The following SLC39A11 variants were observed in gnomAD, a reference collection of about 807,000 sequenced individuals.
SLC39A11 encodes the protein solute carrier family 39 member 11.
SLC39A11 carries 33 observed loss-of-function variants against 36.1 expected under a neutral mutation model. That is an observed-to-expected ratio of 0.91 (90% confidence interval 0.69 to 1.22). The LOEUF (loss-of-function observed/expected upper bound fraction) is 1.22, where lower values mean the gene tolerates loss of function less well. Ranked by LOEUF, SLC39A11 falls within the 50% of genes most tolerant of loss-of-function variation. SLC39A11 has a pLI of 0.00. For synonymous variants in SLC39A11, 166 were observed against 170.3 expected, an observed-to-expected ratio of 0.97 and a Z score of 0.20; for missense variants, 432 against 430.3, an observed-to-expected ratio of 1.00 and a Z score of -0.03.
At chr17:73,023,406 T>C (rs1362503898) in intron 4 of SLC39A11, among the ~76,000 whole-genome samples, 1 of 152,150 alleles carries the variant, frequency 6.6e-6, no homozygotes. Context: ...CCCAACACTG[T>C]GGGATTCCAA....
intron 6 of SLC39A11, among the ~76,000 whole-genome samples, chr17:72,778,339 A>G (rs1291927419): frequency 1.3e-5 from 2 of 152,170 alleles, no homozygotes; most frequent in African/African-American, 2.4e-5. Flanking sequence ...CAGCCCCTGG[A>G]CCACACTGCC....
chr17:72,674,983 C>CATAT (rs1567932718), intron 7 of SLC39A11, among the ~76,000 whole-genome samples: 794 of 74,916 alleles, frequency 0.011, 12 homozygotes, highest in African/African-American at 0.031. Context: ...AGTGTGTGTG[C>CATAT]GTATGTGTGT....
chr17:72,850,900 A>G (rs2079278756), intron 5 of SLC39A11, among the ~76,000 whole-genome samples: 1 of 152,154 alleles, frequency 6.6e-6, no homozygotes, highest in South Asian at 2.1e-4. Flanking sequence ...ATTTATGGGA[A>G]CCAATTCAGA....
intron 7 of SLC39A11, among the ~76,000 whole-genome samples, chr17:72,717,201 A>G (rs1300795813): frequency 2.7e-5 from 4 of 150,650 alleles, no homozygotes; most frequent in Admixed American, 6.6e-5. Flanking sequence ...TAAAAAGAGG[A>G]AAAAAAAGTG....
intron 6 of SLC39A11, among the ~76,000 whole-genome samples, chr17:72,759,129 T>TAATAATAAA (rs201794070): frequency 6.6e-6 from 1 of 150,790 alleles, no homozygotes; most frequent in African/African-American, 2.4e-5. Flanking sequence ...ATAATAATAA[T>TAATAATAAA]AAATAATCTT....
intron 4 of SLC39A11, among the ~76,000 whole-genome samples, chr17:72,993,525 GGGTATA>G (rs2089313627): frequency 6.6e-6 from 1 of 152,164 alleles, no homozygotes. Flanking sequence ...TTTTTGCAAA[GGGTATA>G]TGGTAGATTA....
rs1351236287 is a variant in SLC39A11, at chr17:72,648,842, T to C, written c.890A>G (p.Tyr297Cys). 3 of 1,614,144 alleles carry C rather than the reference T, an allele frequency of 1.9e-6. No individual in the cohort carries two copies. The Admixed American group carries it at 5.0e-5, about 27-fold the overall frequency. ...ALAFAAGAMV[Y>C]VVMDDIIPEA... ...GGGGATGATGTCGTCCATGACCACG[T>C]AGACCATGGCACCGGCAGCAAAGGC... Residue 297 changes from tyrosine to cysteine, a missense_variant, in exon 9 of 10, where the codon TAC becomes TGC. Tyr to Cys is a radical substitution (Grantham distance 194). Transcript: ENST00000255559.
intron 7 of SLC39A11, among the ~76,000 whole-genome samples, chr17:72,711,033 C>G (rs942146336): frequency 6.6e-6 from 1 of 152,212 alleles, no homozygotes; most frequent in Admixed American, 6.5e-5. Context: ...AATTGCACAA[C>G]CTTCATACAG....
intron 4 of SLC39A11, among the ~76,000 whole-genome samples, chr17:72,977,531 G>A (rs1206264772): frequency 6.6e-6 from 1 of 152,142 alleles, no homozygotes; most frequent in Non-Finnish European, 1.5e-5. Flanking sequence ...AACCTGTCTT[G>A]GATATCAGAG....
In SLC39A11 at chr17:72,650,120, C is replaced by T. The variant is rs148697359; in HGVS notation, c.672-852G>A. On this transcript the variant is annotated intron_variant, in intron 7 of 9. Coordinates refer to ENST00000255559, the MANE Select transcript of SLC39A11 (RefSeq NM_139177.4). ...GCAGCTGCAGACGCTGATGGTGCCA[C>T]AGATCTGGCTCTGGGCTCAGCTTCT... Among the ~76,000 whole-genome samples, 7 of 152,344 alleles carry T rather than the reference C, an allele frequency of 4.6e-5. No individual in the cohort carries two copies. In the East Asian group the frequency reaches 1.2e-3, roughly 25 times the overall value.
chr17:72,888,819 T>C (rs938772674), intron 5 of SLC39A11, among the ~76,000 whole-genome samples: 4 of 152,146 alleles, frequency 2.6e-5, no homozygotes, highest in Non-Finnish European at 2.9e-5. Context: ...AGAGGATTGC[T>C]TAAGCCCATG....
chr17:72,915,252 C>A (rs2083266517), intron 5 of SLC39A11, among the ~76,000 whole-genome samples: 1 of 152,152 alleles, frequency 6.6e-6, no homozygotes, highest in Non-Finnish European at 1.5e-5. Context: ...AATGCTCACA[C>A]CGGGACACTA....
Position 72,888,705 on chromosome 17 carries a change from C to T in SLC39A11, c.431-38901G>A, listed in dbSNP as rs1347894285. On this transcript the variant is annotated intron_variant, in intron 5 of 9. Coordinates refer to ENST00000255559, the MANE Select transcript of SLC39A11 (RefSeq NM_139177.4). ...TCACTTGAGGCCAGGAGTTCAAGATCAGCCTGGGCAACATAGCAAGACTCC... is the reference window on the plus strand; with the variant it reads ...TCACTTGAGGCCAGGAGTTCAAGATTAGCCTGGGCAACATAGCAAGACTCC... 3.9e-5 allele frequency among the ~76,000 whole-genome samples: 6 copies of T among 152,094 alleles called. No individual in the cohort carries two copies. The East Asian group carries it at 1.2e-3, about 29-fold the overall frequency.
At chr17:72,665,061 CTTCT>C (rs1189632874) in intron 7 of SLC39A11, among the ~76,000 whole-genome samples, 2 of 152,204 alleles carry the variant, frequency 1.3e-5, no homozygotes, top group African/African-American at 4.8e-5. Context: ...AGGCTTGTAG[CTTCT>C]TTCTCTCTTC....
chr17:72,783,914 GC>G (rs987025579), intron 6 of SLC39A11, among the ~76,000 whole-genome samples: 2 of 152,144 alleles, frequency 1.3e-5, no homozygotes, highest in African/African-American at 4.8e-5. Context: ...AGGGCAGCCA[GC>G]CCCCACCCAG....
rs368923284 is a variant in SLC39A11, at chr17:72,770,574, C to G, written c.602-33855G>C. ...ACGGGTGTCAGACCTGCACGGCAGTCTGCCAGCTCCTGCTCCCTCCCCTTG... is the reference window on the plus strand; with the variant it reads ...ACGGGTGTCAGACCTGCACGGCAGTGTGCCAGCTCCTGCTCCCTCCCCTTG... On this transcript the variant is annotated intron_variant, in intron 6 of 9. Coordinates refer to ENST00000255559, the MANE Select transcript of SLC39A11 (RefSeq NM_139177.4). Among the ~76,000 whole-genome samples the G allele has an allele frequency of 1.2e-4, 19 of 152,344 alleles. 1 individual carries two copies. The highest frequency in any genetic ancestry group is 4.6e-4 in the African/African-American group (19 of 41,578).
intron 3 of SLC39A11, among the ~76,000 whole-genome samples, chr17:73,033,803 G>A (rs1408419850): frequency 2.0e-5 from 3 of 152,132 alleles, no homozygotes; most frequent in Non-Finnish European, 2.9e-5. Flanking sequence ...ATAACACTCA[G>A]AGTGACAGAA....
chr17:73,085,778 A>C (rs2060710646), intron 2 of SLC39A11, among the ~76,000 whole-genome samples: 1 of 152,158 alleles, frequency 6.6e-6, no homozygotes, highest in South Asian at 2.1e-4. Context: ...ACAGGAATGC[A>C]CTTGTATTCA....
intron 7 of SLC39A11, among the ~76,000 whole-genome samples, chr17:72,716,574 A>T (rs1464086425): frequency 2.0e-5 from 3 of 151,766 alleles, no homozygotes; most frequent in African/African-American, 2.4e-5. Flanking sequence ...ATAAGGAAAA[A>T]AAAAATCGGA....
Sources: gnomAD v4.1 joint callset for allele counts (sites outside exome capture counted in the v4.1 genomes callset) on GRCh38, gnomAD v4.1.1 for gene constraint, MANE v1.5 for transcripts, NCBI Gene and HGNC (gene_info 2026-07-23, HGNC 2026-07-21) for gene names.